Variants in AHCTF1 observed in about 807,000 individuals in gnomAD.
AHCTF1 encodes the protein protein ELYS.
Under a neutral mutation model 248.4 loss-of-function variants are expected in AHCTF1, and 24 were observed. The observed-to-expected ratio is 0.10, with a 90% CI of 0.07 to 0.14. The LOEUF (loss-of-function observed/expected upper bound fraction) is 0.14. Ranked by LOEUF, AHCTF1 falls within the 10% of genes least tolerant of loss-of-function variation. AHCTF1 has a pLI of 1.00. For missense variants in AHCTF1, 2,206 were observed against 2,636.2 expected, an observed-to-expected ratio of 0.84 and a Z score of 3.57; for synonymous variants, 786 against 929.8, an observed-to-expected ratio of 0.85 and a Z score of 2.81.
intron 12 of AHCTF1, among the ~76,000 whole-genome samples, chr1:246,896,936 T>A (rs1212976183): frequency 1.3e-5 from 2 of 152,170 alleles, no homozygotes; most frequent in Non-Finnish European, 2.9e-5. Context: ...CCATTTATAT[T>A]TAATACCAGG....
At chr1:246,847,584 C>A (rs1660373478) in intron 33 of AHCTF1, among the ~76,000 whole-genome samples, 1 of 152,140 alleles carries the variant, frequency 6.6e-6, no homozygotes, top group Non-Finnish European at 1.5e-5. Flanking sequence ...ACTGCAGCCT[C>A]AAACTCTCAG....
Position 246,889,992 on chromosome 1 carries a change from A to G in AHCTF1, c.2118T>C (p.Arg706=), listed in dbSNP as rs745356540. The G allele has an allele frequency of 6.2e-7, 1 of 1,612,346 alleles. No homozygotes were observed. The stretch of plus-strand genomic sequence containing the variant: ...TTGATAAACGCTCAAACTTCTGTCG[A>G]CGACTGGTGTAGTAGTTCTGAATTA... ...YPVIQNYYTS[R]RQKFERLSRG... The change falls in exon 17 of 36, where the codon CGT becomes CGC. Residue 706 remains arginine (R), a synonymous_variant. Transcript: ENST00000648844.
At chr1:246,865,072 T>C (rs1661867776) in intron 26 of AHCTF1, among the ~76,000 whole-genome samples, 1 of 152,224 alleles carries the variant, frequency 6.6e-6, no homozygotes, top group Admixed American at 6.5e-5. Flanking sequence ...AAGTAAGTTT[T>C]AAAGCTTAAT....
At chr1:246,913,452 G>T (rs760281122) in intron 3 of AHCTF1, 40 bp from the exon 4 acceptor site, 6 of 1,546,646 alleles carry the variant, frequency 3.9e-6, no homozygotes, top group Admixed American at 1.9e-5. Context: ...CTTCTGCAAA[G>T]TAAGAAAATA....
In AHCTF1 at chr1:246,867,753, C is replaced by G; in HGVS notation, c.3147G>C (p.Leu1049Phe). 6.2e-7 allele frequency: 1 copy of G among 1,612,584 alleles called. No individual in the cohort carries two copies. The highest frequency in any genetic ancestry group is 8.5e-7 in the Non-Finnish European group (1 of 1,179,126). Residue 1049 changes from leucine (L) to phenylalanine (F), a missense_variant, in exon 25 of 36, where the codon TTG becomes TTC. Transcript: ENST00000648844. ...VPKQVVTGTV[L>F]TRSVFINNVL... ...CATTGTTGATGAAAACAGATCTTGT[C>G]AACACAGTTCCTGTTACAACTTGCT...
At chr1:246,900,030 C>G in intron 10 of AHCTF1, 35 bp downstream of exon 10, 1 of 1,558,104 alleles carries the variant, frequency 6.4e-7, no homozygotes, top group Non-Finnish European at 8.7e-7. Flanking sequence ...TTGTGCATTA[C>G]TTTTCTTAAG....
At chr1:246,866,593 T>C (rs565051406) in intron 26 of AHCTF1, among the ~76,000 whole-genome samples, 1 of 152,302 alleles carries the variant, frequency 6.6e-6, no homozygotes, top group South Asian at 2.1e-4. Context: ...TTGTAATGAT[T>C]ATTTATAATC....
chr1:246,868,945 C>T (rs12409091), intron 24 of AHCTF1, among the ~76,000 whole-genome samples: 121,216 of 150,042 alleles, frequency 0.81, 49,077 homozygotes, highest in Middle Eastern at 0.85. Flanking sequence ...CCCGGGTTCA[C>T]GCCATTCTCC....
intron 1 of AHCTF1, among the ~76,000 whole-genome samples, chr1:246,924,586 T>A (rs1288546891): frequency 6.6e-6 from 1 of 152,140 alleles, no homozygotes; most frequent in Non-Finnish European, 1.5e-5. Flanking sequence ...GTCATTCTTA[T>A]TCTCTCCACA....
intron 25 of AHCTF1, 91 bp downstream of exon 25, chr1:246,867,570 T>G: frequency 6.8e-7 from 1 of 1,474,180 alleles, no homozygotes; most frequent in South Asian, 1.2e-5. Flanking sequence ...CTAATAAACT[T>G]AGGCAAAGAG....
intron 2 of AHCTF1, among the ~76,000 whole-genome samples, chr1:246,917,337 TA>T (rs1244886105): frequency 2.6e-5 from 4 of 152,314 alleles, no homozygotes; most frequent in African/African-American, 7.2e-5. Context: ...AGATGAATGG[TA>T]ACTTCTAAAT....
intron 1 of AHCTF1, among the ~76,000 whole-genome samples, chr1:246,919,301 T>C (rs1214907801): frequency 2.6e-5 from 4 of 152,168 alleles, no homozygotes; most frequent in African/African-American, 9.7e-5. Flanking sequence ...CAATACCCAT[T>C]GTACAGGATG....
intron 26 of AHCTF1, 70 bp from the exon 27 acceptor site, chr1:246,864,186 G>A (rs1661785173): frequency 6.9e-7 from 1 of 1,443,714 alleles, no homozygotes. Context: ...CATTTAATCA[G>A]ACCTCTATAT....
chr1:246,842,356 C>T (rs967303322), intron 35 of AHCTF1, among the ~76,000 whole-genome samples: 2 of 151,956 alleles, frequency 1.3e-5, no homozygotes, highest in Non-Finnish European at 2.9e-5. Context: ...CCAAGGCAGG[C>T]GGATCACTTG....
chr1:246,865,596 A>G (rs1359781045), intron 26 of AHCTF1, among the ~76,000 whole-genome samples: 2 of 152,208 alleles, frequency 1.3e-5, no homozygotes, highest in Admixed American at 1.3e-4. Context: ...ATACTGAGCT[A>G]TCCCAAAGGA....
intron 1 of AHCTF1, among the ~76,000 whole-genome samples, chr1:246,928,612 A>G (rs1572484649): frequency 6.6e-6 from 1 of 152,194 alleles, no homozygotes. Flanking sequence ...AAAATTCTTA[A>G]AATTACTAGG....
intron 24 of AHCTF1, among the ~76,000 whole-genome samples, chr1:246,868,419 C>CT: frequency 6.8e-6 from 1 of 147,940 alleles, no homozygotes; most frequent in African/African-American, 2.7e-5. Context: ...CTGCGCCTGG[C>CT]AATTTTTGTA....
chr1:246,895,456 A>C (rs1664508473), intron 13 of AHCTF1, among the ~76,000 whole-genome samples: 1 of 152,204 alleles, frequency 6.6e-6, no homozygotes, highest in Admixed American at 6.5e-5. Flanking sequence ...TACACACAAC[A>C]ATTTGGATGA....
chr1:246,915,109 A>G (rs1242577062), intron 3 of AHCTF1, among the ~76,000 whole-genome samples: 1 of 152,214 alleles, frequency 6.6e-6, no homozygotes, highest in Admixed American at 6.5e-5. Flanking sequence ...AGGCAGGTGG[A>G]TCACGAGGTC....
Sources: allele counts gnomAD v4.1 joint callset (sites outside exome capture counted in the v4.1 genomes callset), GRCh38; gene constraint gnomAD v4.1.1; transcripts MANE v1.5; gene names NCBI Gene and HGNC (gene_info 2026-07-23, HGNC 2026-07-21).